Variants in GRIN2B observed in about 807,000 individuals in gnomAD.
The protein encoded by GRIN2B is glutamate receptor ionotropic, NMDA 2B.
In GRIN2B, 5 loss-of-function variants were observed where a neutral mutation model predicts 114.5. That is an observed-to-expected ratio of 0.04 (90% confidence interval 0.02 to 0.09). GRIN2B has a LOEUF of 0.09. Ranked by LOEUF, GRIN2B falls within the 10% of genes least tolerant of loss-of-function variation. GRIN2B has a pLI of 1.00. For missense variants in GRIN2B, 1,108 were observed against 1,943.5 expected (o/e 0.57, Z 8.08); for synonymous variants, 787 against 745.1 (o/e 1.06, Z -0.92).
chr12:13,703,794 A>C (rs1950333753), intron 4 of GRIN2B, among the ~76,000 whole-genome samples: 1 of 152,152 alleles, frequency 6.6e-6, no homozygotes, highest in Non-Finnish European at 1.5e-5. Flanking sequence ...GGATCCTTTT[A>C]ACTTCAATCC....
At position 13,816,419 on chromosome 12, in the gene GRIN2B, T is replaced by C. The variant is rs143341445; in HGVS notation, c.411+49379A>G. Among the ~76,000 whole-genome samples, 49 of 152,348 alleles carry C rather than the reference T, an allele frequency of 3.2e-4. 1 individual carries two copies. Among genetic ancestry groups the C allele is most frequent in the African/African-American group, 1.1e-3 (45 of 41,574 alleles). On this transcript the variant is annotated intron_variant, in intron 3 of 13. Coordinates refer to ENST00000609686, the MANE Select transcript of GRIN2B (RefSeq NM_000834.5). ...CTAGCAGTGTTTTGAACTCCTTTTT[T>C]TCCCCCATTTTCCCATACTTAAAAG...
At chr12:13,630,060 G>A (rs1414476469) in intron 5 of GRIN2B, among the ~76,000 whole-genome samples, 17 of 152,160 alleles carry the variant, frequency 1.1e-4, no homozygotes, top group Admixed American at 1.1e-3. Context: ...GTTCCTCAAT[G>A]GCAGGGACTG....
intron 5 of GRIN2B, among the ~76,000 whole-genome samples, chr12:13,643,341 A>T (rs566380243): frequency 1.3e-5 from 2 of 152,316 alleles, no homozygotes; most frequent in African/African-American, 4.8e-5. Flanking sequence ...TTTATACTAT[A>T]CTGTAGTCTG....
intron 3 of GRIN2B, among the ~76,000 whole-genome samples, chr12:13,756,435 C>T (rs1287369070): frequency 3.9e-5 from 6 of 152,156 alleles, no homozygotes; most frequent in South Asian, 2.1e-4. Context: ...AGGACGACGA[C>T]AGGAAAGGAA....
chr12:13,619,597 A>G (rs998612872), intron 5 of GRIN2B, among the ~76,000 whole-genome samples: 1 of 152,194 alleles, frequency 6.6e-6, no homozygotes, highest in East Asian at 1.9e-4. Context: ...AAGTCCATTC[A>G]TTTCAACCAC....
At chr12:13,797,361 T>C (rs749858166) in intron 3 of GRIN2B, among the ~76,000 whole-genome samples, 33 of 152,196 alleles carry the variant, frequency 2.2e-4, no homozygotes, top group Non-Finnish European at 4.3e-4. Context: ...TTTCAACATA[T>C]GAATTTTGAG....
chr12:13,971,940 AT>A (rs971422241), intron 2 of GRIN2B, among the ~76,000 whole-genome samples: 11 of 151,266 alleles, frequency 7.3e-5, no homozygotes, highest in East Asian at 3.9e-4. Context: ...TCCCAACAGC[AT>A]TTTTTTTTAA....
In GRIN2B at chr12:13,554,540, A is replaced by G. The variant is rs1948455567; in HGVS notation, c.*8243T>C. 1 of 152,182 alleles carries G rather than the reference A, an allele frequency of 6.6e-6. No individual in the cohort carries two copies. The highest frequency in any genetic ancestry group is 1.5e-5 in the Non-Finnish European group (1 of 68,022). 9.4% of individuals were successfully genotyped at this position (152,182 alleles called of 1,614,324 possible). On this transcript the variant is annotated 3_prime_UTR_variant, in exon 14 of 14. Coordinates refer to ENST00000609686, the MANE Select transcript of GRIN2B (RefSeq NM_000834.5). ...ATTCAGCTTGTCTGGATTATGGGAC[A>G]CACACATAGTCAAGTAACAAGAAAT...
At chr12:13,844,449 A>G (rs1865436311) in intron 3 of GRIN2B, among the ~76,000 whole-genome samples, 1 of 152,160 alleles carries the variant, frequency 6.6e-6, no homozygotes, top group Admixed American at 6.5e-5. Flanking sequence ...AGTCCCATCA[A>G]AGCTATTCAT....
intron 2 of GRIN2B, among the ~76,000 whole-genome samples, chr12:13,953,521 A>G (rs940762655): frequency 7.9e-5 from 12 of 152,172 alleles, no homozygotes; most frequent in Non-Finnish European, 1.3e-4. Flanking sequence ...AACCTTGCAG[A>G]CCACATTTCC....
chr12:13,776,183 C>T (rs554746923), intron 3 of GRIN2B, among the ~76,000 whole-genome samples: 1 of 152,058 alleles, frequency 6.6e-6, no homozygotes, highest in Non-Finnish European at 1.5e-5. Context: ...GGAACAGAAA[C>T]CAAATACCAC....
At chr12:13,886,506 G>A (rs1257920372) in intron 2 of GRIN2B, among the ~76,000 whole-genome samples, 1 of 152,166 alleles carries the variant, frequency 6.6e-6, no homozygotes, top group Non-Finnish European at 1.5e-5. Context: ...ATCATTTGGG[G>A]TGATGGATTT....
intron 2 of GRIN2B, among the ~76,000 whole-genome samples, chr12:13,934,414 G>A (rs192553326): frequency 6.8e-4 from 104 of 152,308 alleles, no homozygotes; most frequent in African/African-American, 2.4e-3. Flanking sequence ...CGTTAATGGT[G>A]GGATGTGACA....
intron 3 of GRIN2B, among the ~76,000 whole-genome samples, chr12:13,782,506 G>T (rs1173670625): frequency 6.6e-6 from 1 of 152,132 alleles, no homozygotes; most frequent in Admixed American, 6.5e-5. Flanking sequence ...CAGATTGTAA[G>T]ATACCATGCT....
At chr12:13,786,541 C>T (rs974904429) in intron 3 of GRIN2B, among the ~76,000 whole-genome samples, 1 of 152,068 alleles carries the variant, frequency 6.6e-6, no homozygotes, top group Admixed American at 6.5e-5. Flanking sequence ...TGAGTCCTGG[C>T]GGACACACTT....
intron 3 of GRIN2B, among the ~76,000 whole-genome samples, chr12:13,819,408 A>G (rs1864890040): frequency 1.3e-5 from 2 of 152,004 alleles, no homozygotes; most frequent in South Asian, 4.2e-4. Context: ...ACAAGGTTCT[A>G]TGCATCTTCA....
chr12:13,752,995 A>G (rs968144676), intron 4 of GRIN2B, among the ~76,000 whole-genome samples: 40 of 152,186 alleles, frequency 2.6e-4, no homozygotes, highest in African/African-American at 9.4e-4. Flanking sequence ...TTACACCTCC[A>G]AGCCTATTCT....
chr12:13,781,789 G>A (rs781472292), intron 3 of GRIN2B, among the ~76,000 whole-genome samples: 6 of 152,174 alleles, frequency 3.9e-5, no homozygotes, highest in Non-Finnish European at 7.3e-5. Context: ...CATGATCCAG[G>A]TGAGTTCTCT....
At chr12:13,643,927 C>T (rs1949741225) in intron 5 of GRIN2B, among the ~76,000 whole-genome samples, 1 of 152,130 alleles carries the variant, frequency 6.6e-6, no homozygotes. Flanking sequence ...GTTTCCACCA[C>T]ATCTGTAGTT....
Sources: allele counts gnomAD v4.1 joint callset (sites outside exome capture counted in the v4.1 genomes callset), GRCh38; gene constraint gnomAD v4.1.1; transcripts MANE v1.5; gene names NCBI Gene and HGNC (gene_info 2026-07-23, HGNC 2026-07-21).